The following GBGT1 variants were observed in gnomAD, a reference collection of about 807,000 sequenced individuals.
The protein encoded by GBGT1 is globoside alpha-1,3-N-acetylgalactosaminyltransferase 1 (FORS blood group), also known as globoside alpha-1,3-N-acetylgalactosaminyltransferase 1.
In GBGT1, 18 loss-of-function variants were observed where a neutral mutation model predicts 20.9. The ratio of observed to expected loss-of-function variants is 0.86; its 90% CI spans 0.60 to 1.28. GBGT1 has a LOEUF of 1.28. Ranked by LOEUF, GBGT1 falls within the 50% of genes most tolerant of loss-of-function variation. The pLI, the probability that GBGT1 is intolerant of heterozygous loss-of-function variation, is 0.00. For missense variants in GBGT1, 432 were observed against 455.7 expected, an observed-to-expected ratio of 0.95 and a Z score of 0.47; for synonymous variants, 168 against 180.8, an observed-to-expected ratio of 0.93 and a Z score of 0.57.
Position 133,156,032 on chromosome 9 carries a change from T to C in GBGT1, c.171A>G (p.Pro57=). 6.2e-7 allele frequency: 1 copy of C among 1,613,916 alleles called. No individual in the cohort carries two copies. Among genetic ancestry groups the C allele is most frequent in the Non-Finnish European group, 8.5e-7 (1 of 1,179,954 alleles). The change falls in exon 4 of 7, where the codon CCA becomes CCG. Residue 57 remains proline (P), a synonymous_variant. Coordinates refer to ENST00000372040, the MANE Select transcript of GBGT1 (RefSeq NM_021996.6). ...NMKLHYKREK[P]LQPVVWSQYP... is the part of the protein sequence containing the mutation. ...CTCCTTACCATACCACGGGCTGGAGTGGCTTCTCCCTCTTGTAGTGCAGCT... is the reference window on the plus strand; with the variant it reads ...CTCCTTACCATACCACGGGCTGGAGCGGCTTCTCCCTCTTGTAGTGCAGCT...
At chr9:133,158,551 T>G (rs1349560298) in intron 3 of GBGT1, among the ~76,000 whole-genome samples, 1 of 152,222 alleles carries the variant, frequency 6.6e-6, no homozygotes, top group Non-Finnish European at 1.5e-5. Flanking sequence ...CCCAAAGTGC[T>G]GGGATTACAG....
At position 133,155,886 on chromosome 9, in the gene GBGT1, C is replaced by G; in HGVS notation, c.224+15G>C. 6.2e-7 allele frequency: 1 copy of G among 1,613,994 alleles called. No individual in the cohort carries two copies. The highest frequency in any genetic ancestry group is 8.5e-7 in the Non-Finnish European group (1 of 1,179,852). The stretch of plus-strand genomic sequence containing the variant: ...CTTTTCCCCCGCCCCCATCAGGCCT[C>G]TCCATGACACCTACCTGTGCTCCAG... On this transcript the variant is annotated intron_variant, in intron 5 of 6. Transcript: ENST00000372040.
chr9:133,156,147 G>A, intron 3 of GBGT1, 82 bp from the exon 4 acceptor site: 1 of 1,512,774 alleles, frequency 6.6e-7, no homozygotes, highest in Non-Finnish European at 9.0e-7. Flanking sequence ...GGAGTCAGAG[G>A]CCCCTGCGGG....
At position 133,153,735 on chromosome 9, in the gene GBGT1, G is replaced by T. The variant is rs141041392; in HGVS notation, c.886C>A (p.Arg296=). 1.9e-6 allele frequency: 3 copies of T among 1,613,484 alleles called. No individual in the cohort carries two copies. The highest frequency in any genetic ancestry group is 1.7e-6 in the Non-Finnish European group (2 of 1,179,764). ...DKANGIMAAW[R]EESHLNRHFI... ...TGACGGTTCAGGTGGCTTTCCTCCC[G>T]CCAGGCAGCCATGATGCCATTGGCC... The change falls in exon 7 of 7, where the codon CGG becomes AGG. Residue 296 remains arginine (R), a synonymous_variant. Transcript: ENST00000372040.
At chr9:133,155,102 TG>T in intron 6 of GBGT1, 75 bp downstream of exon 6, 2 of 1,376,856 alleles carry the variant, frequency 1.5e-6, no homozygotes, top group African/African-American at 1.4e-5. Context: ...TGTGCACGTC[TG>T]GTCTGGTCTC....
At chr9:133,157,768 G>A (rs955882948) in intron 3 of GBGT1, among the ~76,000 whole-genome samples, 8 of 152,224 alleles carry the variant, frequency 5.3e-5, no homozygotes, top group Admixed American at 5.2e-4. Context: ...TTGACCCTGT[G>A]AACTTTAGTT....
Position 133,153,924 on chromosome 9 carries a change from CGTAGTAGCTTG to C in GBGT1, c.686_696del (p.Pro229ArgfsTer10), listed in dbSNP as rs1832789624. ...TAGGGGAACTGCTGGCGGGGAACGG[CGTAGTAGCTTG>C]GGTGAATGGCAGCCACCAGGTCTCC... On this transcript the variant is annotated frameshift_variant, in exon 7 of 7. Transcript: ENST00000372040. LOFTEE classifies it low-confidence loss of function (END_TRUNC). 1.9e-6 allele frequency: 3 copies of C among 1,609,150 alleles called. No homozygotes were observed. The South Asian group carries it at 3.3e-5, about 18-fold the overall frequency.
At chr9:133,162,258 CAG>C (rs1564268261) in intron 2 of GBGT1, 82 bp downstream of exon 2, 1 of 499,244 alleles carries the variant, frequency 2.0e-6, no homozygotes, top group Non-Finnish European at 3.5e-6. Flanking sequence ...GGGATAGAGA[CAG>C]GGGGAGTCCT....
intron 1 of GBGT1, among the ~76,000 whole-genome samples, 171 bp from the exon 2 acceptor site, chr9:133,162,703 G>C (rs1416663221): frequency 6.6e-6 from 1 of 152,202 alleles, no homozygotes; most frequent in African/African-American, 2.4e-5. Flanking sequence ...ACCATGCCCA[G>C]CTAATTTTTG....
intron 3 of GBGT1, among the ~76,000 whole-genome samples, chr9:133,158,079 A>G (rs1410415064): frequency 6.6e-6 from 1 of 151,810 alleles, no homozygotes; most frequent in East Asian, 2.0e-4. Flanking sequence ...CGGGAGGCTG[A>G]GGGTGCAGTG....
intron 3 of GBGT1, among the ~76,000 whole-genome samples, chr9:133,157,203 G>A (rs564351473): frequency 4.0e-5 from 6 of 151,370 alleles, no homozygotes; most frequent in Non-Finnish European, 5.9e-5. Flanking sequence ...AGGATGGCTT[G>A]AGCCCAGGAG....
Position 133,154,548 on chromosome 9 carries a change from T to A in GBGT1, c.360-287A>T. The A allele has an allele frequency of 3.1e-6, 1 of 317,640 alleles. No individual in the cohort carries two copies. The highest frequency in any genetic ancestry group is 1.2e-4 in the South Asian group (1 of 8,194). 19.7% of individuals were successfully genotyped at this position (317,640 alleles called of 1,614,324 possible). ...AGCGACGTTCTAAGAATTCTTATGA[T>A]CTTTGATCTGCATAAGCATGCCCAT... On this transcript the variant is annotated intron_variant, in intron 6 of 6. Coordinates refer to ENST00000372040, the MANE Select transcript of GBGT1 (RefSeq NM_021996.6). The surrounding 1 kb of genome is among the most constrained non-coding windows in gnomAD (Gnocchi z 4.2).
At chr9:133,158,605 A>T (rs1403604132) in intron 3 of GBGT1, among the ~76,000 whole-genome samples, 1 of 152,102 alleles carries the variant, frequency 6.6e-6, no homozygotes, top group Non-Finnish European at 1.5e-5. Flanking sequence ...TCAATACATC[A>T]TGTATGATGG....
chr9:133,163,690 C>T (rs1833127740), intron 1 of GBGT1, 64 bp downstream of exon 1: 2 of 152,376 alleles, frequency 1.3e-5, no homozygotes, highest in South Asian at 2.1e-4. Context: ...TCCTTGGCCC[C>T]TTGCGTGGCA....
In GBGT1 at chr9:133,154,198, C is replaced by G; in HGVS notation, c.423G>C (p.Arg141=). The change falls in exon 7 of 7, where the codon CGG becomes CGC. Residue 141 remains arginine, a synonymous_variant. Coordinates refer to ENST00000372040, the MANE Select transcript of GBGT1 (RefSeq NM_021996.6). The surrounding 1 kb of genome is among the most constrained non-coding windows in gnomAD (Gnocchi z 4.2). ...SAEEFFMRGY[R]VHYYIFTDNP... is the part of the protein sequence containing the mutation. The stretch of plus-strand genomic sequence containing the variant: ...TGTCAGTGAAGATGTAGTAGTGCAC[C>G]CGGTACCCACGCATGAAGAACTCCT... The G allele has an allele frequency of 6.4e-7, 1 of 1,564,398 alleles. No homozygotes were observed. Among genetic ancestry groups the G allele is most frequent in the Non-Finnish European group, 8.7e-7 (1 of 1,150,000 alleles).
intron 5 of GBGT1, 29 bp downstream of exon 5, chr9:133,155,872 C>A: frequency 6.2e-7 from 1 of 1,612,370 alleles, no homozygotes; most frequent in South Asian, 1.1e-5. Flanking sequence ...TTTTCCCCCG[C>A]CCCCATCAGG....
At chr9:133,157,287 C>CA (rs71503325) in intron 3 of GBGT1, among the ~76,000 whole-genome samples, 6,933 of 77,578 alleles carry the variant, frequency 0.089, 263 homozygotes, top group South Asian at 0.17. Flanking sequence ...GACCCTGTCT[C>CA]AAAAAAAAAA....
chr9:133,161,479 C>A lies in GBGT1; in HGVS notation c.125G>T (p.Cys42Phe). The A allele has an allele frequency of 6.2e-7, 1 of 1,608,720 alleles. No homozygotes were observed. The change falls in exon 3 of 7, where the codon TGC (cysteine) becomes TTC (phenylalanine). Residue 42 changes from cysteine (C) to phenylalanine (F), a missense_variant. Transcript: ENST00000372040. ...CACCCATACTTACAAGATCTCTGGG[C>A]AGGGGAGATAATAGGGGACATAGGA... ...PVSYVPYYLP[C>F]PEIFNMKLHY...
intron 5 of GBGT1, among the ~76,000 whole-genome samples, chr9:133,155,572 G>A (rs1832847177): frequency 6.6e-6 from 1 of 152,200 alleles, no homozygotes; most frequent in Admixed American, 6.5e-5. Flanking sequence ...ATTAAAAAGG[G>A]CAAGACCACG....
Sources: allele counts gnomAD v4.1 joint callset (sites outside exome capture counted in the v4.1 genomes callset), GRCh38; gene constraint gnomAD v4.1.1; non-coding constraint Gnocchi (gnomAD v3.1); transcripts MANE v1.5; gene names NCBI Gene and HGNC (gene_info 2026-07-23, HGNC 2026-07-21).